PIK3C2G: variants seen among roughly 807,000 people sequenced by gnomAD.
PIK3C2G encodes the protein phosphatidylinositol 3-kinase C2 domain-containing subunit gamma.
PIK3C2G carries 168 observed loss-of-function variants against 181.1 expected under a neutral mutation model. The ratio of observed to expected loss-of-function variants is 0.93; its 90% CI spans 0.82 to 1.05. The LOEUF (loss-of-function observed/expected upper bound fraction) is 1.05. PIK3C2G is among the 50% of genes least tolerant of loss of function. PIK3C2G has a pLI of 0.00. For missense variants in PIK3C2G, 1,869 were observed against 1,732.8 expected, an observed-to-expected ratio of 1.08 and a Z score of -1.40; for synonymous variants, 573 against 592.2, an observed-to-expected ratio of 0.97 and a Z score of 0.47.
chr12:18,460,795 T>A (rs1436259420), intron 18 of PIK3C2G, among the ~76,000 whole-genome samples: 1 of 151,998 alleles, frequency 6.6e-6, no homozygotes, highest in Non-Finnish European at 1.5e-5. Flanking sequence ...GCAGTAGTAT[T>A]GCCTAGGGAT....
chr12:18,671,797 AG>A, the PIK3C2G span, among the ~76,000 whole-genome samples: 1 of 152,152 alleles, frequency 6.6e-6, no homozygotes, highest in African/African-American at 2.4e-5. Context: ...TCATCCATGG[AG>A]GGGCTACAAA....
intron 5 of PIK3C2G, among the ~76,000 whole-genome samples, chr12:18,303,102 C>CTTTTTCTTTCTT (rs1205145972): frequency 9.4e-6 from 1 of 106,662 alleles, no homozygotes; most frequent in African/African-American, 3.3e-5. Context: ...TTTTCTTTCT[C>CTTTTTCTTTCTT]TTTCTTTCTT....
intron 4 of PIK3C2G, 56 bp from the exon 5 acceptor site, chr12:18,293,845 C>T (rs1034428837): frequency 1.7e-5 from 14 of 816,616 alleles, no homozygotes; most frequent in Non-Finnish European, 2.7e-5. Flanking sequence ...AAAAACTTTT[C>T]CTAGTCAGTA....
intron 7 of PIK3C2G, 48 bp downstream of exon 7, chr12:18,321,080 CA>C: frequency 1.1e-6 from 1 of 939,858 alleles, no homozygotes. Context: ...ATTGAGTTCT[CA>C]AATGTCAAAT....
At chr12:18,721,032 TA>T in the PIK3C2G span, among the ~76,000 whole-genome samples, 10 of 152,082 alleles carry the variant, frequency 6.6e-5, no homozygotes, top group Non-Finnish European at 1.2e-4. Context: ...TCAAGCCATA[TA>T]AATTTAGGAA....
At chr12:18,472,964 T>G (rs1044814201) in intron 18 of PIK3C2G, among the ~76,000 whole-genome samples, 1 of 152,144 alleles carries the variant, frequency 6.6e-6, no homozygotes, top group Non-Finnish European at 1.5e-5. Context: ...CTTCCAAAAG[T>G]ACTAGGATTA....
intron 14 of PIK3C2G, among the ~76,000 whole-genome samples, 169 bp from the exon 15 acceptor site, chr12:18,390,953 G>A (rs1371368084): frequency 6.6e-6 from 1 of 151,920 alleles, no homozygotes; most frequent in African/African-American, 2.4e-5. Context: ...TAAATCCTAA[G>A]TCCAACCTCT....
chr12:18,457,970 C>T (rs541952962), intron 18 of PIK3C2G, among the ~76,000 whole-genome samples: 1 of 151,932 alleles, frequency 6.6e-6, no homozygotes, highest in South Asian at 2.1e-4. Flanking sequence ...TCTTTTATAA[C>T]CTTCTTTCTT....
At chr12:18,527,444 G>T (rs1375506330) in intron 24 of PIK3C2G, among the ~76,000 whole-genome samples, 1 of 152,020 alleles carries the variant, frequency 6.6e-6, no homozygotes, top group Non-Finnish European at 1.5e-5. Flanking sequence ...TAACTTTATG[G>T]GTTATTTAAA....
the PIK3C2G span, chr12:18,699,844 T>C: frequency 6.2e-7 from 1 of 1,613,582 alleles, no homozygotes; most frequent in Non-Finnish European, 8.5e-7. Context: ...AGAATTATTT[T>C]CATTAAATTG....
At chr12:18,329,716 C>T (rs1565604459) in intron 8 of PIK3C2G, among the ~76,000 whole-genome samples, 1 of 151,986 alleles carries the variant, frequency 6.6e-6, no homozygotes, top group Non-Finnish European at 1.5e-5. Flanking sequence ...TTCTAGAGCA[C>T]ATAGCTAGGG....
intron 18 of PIK3C2G, among the ~76,000 whole-genome samples, chr12:18,446,763 A>C (rs2135861322): frequency 6.6e-6 from 1 of 152,326 alleles, no homozygotes; most frequent in Non-Finnish European, 1.5e-5. Flanking sequence ...ATTAACTTCA[A>C]GAGAATATGT....
chr12:18,330,169 T>C (rs1163162578), intron 8 of PIK3C2G, among the ~76,000 whole-genome samples: 1 of 152,140 alleles, frequency 6.6e-6, no homozygotes, highest in African/African-American at 2.4e-5. Flanking sequence ...TTTCTTAAAG[T>C]TTAATTTATA....
chr12:18,525,597 C>T (rs1045189722), intron 24 of PIK3C2G, among the ~76,000 whole-genome samples: 4 of 152,056 alleles, frequency 2.6e-5, no homozygotes, highest in African/African-American at 7.2e-5. Context: ...TACTGTTTTG[C>T]GAGAGCCAAT....
At chr12:18,363,970 A>C (rs944343994) in intron 12 of PIK3C2G, among the ~76,000 whole-genome samples, 8 of 152,148 alleles carry the variant, frequency 5.3e-5, no homozygotes, top group Admixed American at 1.3e-4. Flanking sequence ...GACATTCAAT[A>C]ATAATATCCC....
chr12:18,474,781 T>G (rs1378796107), intron 18 of PIK3C2G, among the ~76,000 whole-genome samples: 3 of 152,162 alleles, frequency 2.0e-5, no homozygotes, highest in Non-Finnish European at 1.5e-5. Flanking sequence ...TGTAAATATT[T>G]GATTCATAAT....
chr12:18,524,222 A>C (rs1943093857), intron 24 of PIK3C2G, among the ~76,000 whole-genome samples: 1 of 152,176 alleles, frequency 6.6e-6, no homozygotes, highest in African/African-American at 2.4e-5. Flanking sequence ...TCTCTGTAGA[A>C]ACTGCAAGTC....
At chr12:18,436,656 C>A (rs1946465836) in intron 18 of PIK3C2G, among the ~76,000 whole-genome samples, 1 of 151,914 alleles carries the variant, frequency 6.6e-6, no homozygotes, top group Non-Finnish European at 1.5e-5. Context: ...GGTTAATTTA[C>A]CTTGACTACT....
chr12:18,610,798 A>G (rs1169505622), intron 31 of PIK3C2G, among the ~76,000 whole-genome samples: 1 of 64,190 alleles, frequency 1.6e-5, no homozygotes, highest in Non-Finnish European at 2.7e-5. Flanking sequence ...AAACAATAGA[A>G]TATTAAGAAA....
Sources: gnomAD v4.1 joint callset for allele counts (sites outside exome capture counted in the v4.1 genomes callset) on GRCh38, gnomAD v4.1.1 for gene constraint, MANE v1.5 for transcripts, NCBI Gene and HGNC (gene_info 2026-07-23, HGNC 2026-07-21) for gene names.